Variants in NTNG1 observed in about 807,000 individuals in gnomAD.
NTNG1 encodes netrin G1, also known as netrin-G1.
Under a neutral mutation model 54.0 loss-of-function variants are expected in NTNG1, and 16 were observed. The observed-to-expected ratio is 0.30, with a 90% CI of 0.20 to 0.45. NTNG1 has a LOEUF of 0.45. Among genes scored for constraint, NTNG1 ranks in the 20% least tolerant of loss-of-function variants. NTNG1 has a pLI of 1.00. For synonymous variants in NTNG1, 255 were observed against 263.1 expected, an observed-to-expected ratio of 0.97 and a Z score of 0.30; for missense variants, 530 against 678.7, an observed-to-expected ratio of 0.78 and a Z score of 2.43.
chr1:107,299,384 C>T (rs1167480734), intron 2 of NTNG1, among the ~76,000 whole-genome samples: 2 of 152,070 alleles, frequency 1.3e-5, no homozygotes, highest in East Asian at 1.9e-4. Context: ...TAATTTGAAG[C>T]GTTTTTTTTC....
intron 3 of NTNG1, among the ~76,000 whole-genome samples, chr1:107,361,000 T>G (rs1349046406): frequency 6.6e-6 from 1 of 151,492 alleles, no homozygotes; most frequent in African/African-American, 2.4e-5. Context: ...TTTAACTCTA[T>G]AAATTTCATT....
chr1:107,299,460 G>A (rs1295855868), intron 2 of NTNG1, among the ~76,000 whole-genome samples: 1 of 152,064 alleles, frequency 6.6e-6, no homozygotes, highest in Non-Finnish European at 1.5e-5. Context: ...ATGAACTATA[G>A]AAATAACTAT....
intron 2 of NTNG1, among the ~76,000 whole-genome samples, chr1:107,176,582 A>G (rs72979599): frequency 0.02 from 2,980 of 152,294 alleles, 98 homozygotes; most frequent in African/African-American, 0.068. Flanking sequence ...GGGTGCTGTG[A>G]TACTTACATG....
chr1:107,276,528 C>G (rs1188448196), intron 2 of NTNG1, among the ~76,000 whole-genome samples: 2 of 152,026 alleles, frequency 1.3e-5, no homozygotes, highest in Non-Finnish European at 2.9e-5. Flanking sequence ...TCACCTTCAG[C>G]CTTTCTCATG....
intron 2 of NTNG1, among the ~76,000 whole-genome samples, chr1:107,231,210 C>T (rs1661043904): frequency 6.6e-6 from 1 of 152,132 alleles, no homozygotes; most frequent in African/African-American, 2.4e-5. Flanking sequence ...CCATGATGAT[C>T]ATCATAAAAA....
chr1:107,395,413 C>A (rs748052661), intron 4 of NTNG1, 87 bp downstream of exon 4: 13 of 1,213,090 alleles, frequency 1.1e-5, no homozygotes, highest in Middle Eastern at 3.7e-4. Flanking sequence ...TGATTTTATT[C>A]CTCTTACCAG....
At chr1:107,376,902 G>A (rs1012630884) in intron 3 of NTNG1, among the ~76,000 whole-genome samples, 4 of 152,050 alleles carry the variant, frequency 2.6e-5, no homozygotes, top group Non-Finnish European at 2.9e-5. Flanking sequence ...TCTGAATAAC[G>A]CCTCTTCTCA....
At chr1:107,240,665 C>T (rs140001599) in intron 2 of NTNG1, among the ~76,000 whole-genome samples, 2,623 of 152,296 alleles carry the variant, frequency 0.017, 27 homozygotes, top group Non-Finnish European at 0.029. Context: ...TTCATTAATA[C>T]CTGGCTATCT....
At chr1:107,480,480 G>A in intron 7 of NTNG1, 131 bp from the exon 8 acceptor site, 1 of 619,110 alleles carries the variant, frequency 1.6e-6, no homozygotes, top group Non-Finnish European at 2.8e-6. Flanking sequence ...TTTGTGGAGG[G>A]GAGGGGGGAG....
chr1:107,178,844 T>C (rs926211975), intron 2 of NTNG1, among the ~76,000 whole-genome samples: 1 of 152,234 alleles, frequency 6.6e-6, no homozygotes, highest in Admixed American at 6.5e-5. Flanking sequence ...TTGCAACATG[T>C]TAGCTTCAGA....
chr1:107,160,542 C>T (rs565028559), intron 2 of NTNG1, among the ~76,000 whole-genome samples: 2 of 151,666 alleles, frequency 1.3e-5, no homozygotes, highest in East Asian at 1.9e-4. Flanking sequence ...TAGAGACGTA[C>T]GTAACATAAT....
intron 3 of NTNG1, among the ~76,000 whole-genome samples, chr1:107,367,654 AT>A (rs1670678437): frequency 6.6e-6 from 1 of 152,178 alleles, no homozygotes; most frequent in African/African-American, 2.4e-5. Context: ...TACGTGAGCC[AT>A]CCAAATTTCC....
At chr1:107,480,572 C>A in intron 7 of NTNG1, 39 bp from the exon 8 acceptor site, 3 of 568,004 alleles carry the variant, frequency 5.3e-6, no homozygotes, top group South Asian at 3.9e-5. Flanking sequence ...CTTCTCCTCC[C>A]CGCGCCCACC....
intron 2 of NTNG1, among the ~76,000 whole-genome samples, chr1:107,247,249 T>A (rs79797654): frequency 0.019 from 2,861 of 152,310 alleles, 95 homozygotes; most frequent in African/African-American, 0.066. Flanking sequence ...TTAGAAATAA[T>A]CATTACTTAA....
chr1:107,333,397 A>G (rs1163834807), intron 3 of NTNG1, among the ~76,000 whole-genome samples: 6 of 152,008 alleles, frequency 3.9e-5, no homozygotes, highest in Admixed American at 3.9e-4. Context: ...GGTCAAAAAC[A>G]TTTTGGAAGT....
chr1:107,301,960 T>C lies in NTNG1; in HGVS notation c.247-22322T>C, dbSNP rs567780570. Among the ~76,000 whole-genome samples, 189 of 152,302 alleles carry C rather than the reference T, an allele frequency of 1.2e-3. 1 individual carries two copies. The highest frequency in any genetic ancestry group is 4.4e-3 in the African/African-American group (184 of 41,570). ...CTGTGTTCAAGTTTTCTGAAAATCA[T>C]CTTTGCTTGCTGTTTGCCAGCTCTT... On this transcript the variant is annotated intron_variant, in intron 2 of 7. Coordinates refer to ENST00000370068, the MANE Select transcript of NTNG1 (RefSeq NM_001113226.3).
chr1:107,360,507 T>A (rs1670198192), intron 3 of NTNG1, among the ~76,000 whole-genome samples: 1 of 152,162 alleles, frequency 6.6e-6, no homozygotes, highest in African/African-American at 2.4e-5. Context: ...TGCCAAATTG[T>A]TTAGGTCCTA....
At chr1:107,417,250 C>G (rs1214047761) in intron 5 of NTNG1, among the ~76,000 whole-genome samples, 2 of 152,182 alleles carry the variant, frequency 1.3e-5, no homozygotes, top group East Asian at 3.9e-4. Flanking sequence ...TAGATATCAT[C>G]AAGATTGCCT....
intron 2 of NTNG1, among the ~76,000 whole-genome samples, chr1:107,296,745 T>C (rs1308350493): frequency 6.7e-6 from 1 of 148,232 alleles, no homozygotes; most frequent in Non-Finnish European, 1.5e-5. Flanking sequence ...ATTCCAATTA[T>C]ATATGTATCA....
Sources: gnomAD v4.1 joint callset for allele counts (sites outside exome capture counted in the v4.1 genomes callset) on GRCh38, gnomAD v4.1.1 for gene constraint, MANE v1.5 for transcripts, NCBI Gene and HGNC (gene_info 2026-07-23, HGNC 2026-07-21) for gene names.